ATP8B2: variants seen among roughly 807,000 people sequenced by gnomAD.
ATP8B2 encodes the protein phospholipid-transporting ATPase ID.
Under a neutral mutation model 133.4 loss-of-function variants are expected in ATP8B2, and 70 were observed. The observed-to-expected ratio is 0.52, with a 90% CI of 0.43 to 0.64. The LOEUF (loss-of-function observed/expected upper bound fraction) is 0.64, where lower values mean the gene tolerates loss of function less well. ATP8B2 is among the 30% of genes least tolerant of loss of function. The pLI is 0.00. For synonymous variants in ATP8B2, 517 were observed against 589.5 expected (o/e 0.88, Z 1.78); for missense variants, 1,101 against 1,535.7 (o/e 0.72, Z 4.73).
At chr1:154,342,382 C>T in intron 13 of ATP8B2, 98 bp from the exon 14 acceptor site, 1 of 1,215,200 alleles carries the variant, frequency 8.2e-7, no homozygotes, top group Non-Finnish European at 1.2e-6. Flanking sequence ...GGTTGAGGGG[C>T]TCAGTGCCTA....
intron 13 of ATP8B2, chr1:154,341,391 G>C (rs1686380251): frequency 2.6e-6 from 1 of 383,628 alleles, no homozygotes; most frequent in African/African-American, 2.1e-5. Context: ...GACTCAGGAG[G>C]CTGAGATGGG....
rs370361449 is a variant in ATP8B2, at chr1:154,342,846, C to G, written c.1338C>G (p.Phe446Leu). 1 of 1,614,188 alleles carries G rather than the reference C, an allele frequency of 6.2e-7. No homozygotes were observed. Among genetic ancestry groups the G allele is most frequent in the East Asian group, 2.2e-5 (1 of 44,880 alleles). The change falls in exon 15 of 28, where the codon TTC becomes TTG. Residue 446 changes from phenylalanine to leucine, a missense_variant. Transcript: ENST00000368489. ...FSFNPLADKK[F>L]LFWDPSLLEA... is the part of the protein sequence containing the mutation. ...TCAATCCTCTGGCTGACAAGAAGTT[C>G]TTATTTTGGGACCCCAGCCTGCTGG...
In ATP8B2 at chr1:154,334,263, C is replaced by T; in HGVS notation, c.746C>T (p.Ala249Val). Reference protein sequence around the residue: ...TEWCFGLVIFAGPDTKLMQNS... With the variant: ...TEWCFGLVIFVGPDTKLMQNS... Reference sequence around the variant, plus strand: ...TGGTGCTTCGGGCTGGTCATCTTTGCAGGTGAGCCTCCTAGCATCCAAAGA... The same window carrying T: ...TGGTGCTTCGGGCTGGTCATCTTTGTAGGTGAGCCTCCTAGCATCCAAAGA... The change falls in exon 10 of 28, where the codon GCA becomes GTA. Residue 249 changes from alanine (A) to valine (V), a missense_variant and splice_region_variant. Transcript: ENST00000368489. The surrounding 1 kb of genome is among the most constrained non-coding windows in gnomAD (Gnocchi z 4.6). 1.2e-6 allele frequency: 2 copies of T among 1,613,822 alleles called. No homozygotes were observed. The highest frequency in any genetic ancestry group is 1.7e-6 in the Non-Finnish European group (2 of 1,179,762).
At chr1:154,339,641 G>T (rs1482971811) in intron 12 of ATP8B2, among the ~76,000 whole-genome samples, 1 of 152,174 alleles carries the variant, frequency 6.6e-6, no homozygotes, top group Admixed American at 6.5e-5. Context: ...AGGTCACAGT[G>T]TGTATGTTTC....
At position 154,343,393 on chromosome 1, in the gene ATP8B2, G is replaced by T; in HGVS notation, c.1643-60G>T. The T allele has an allele frequency of 6.2e-7, 1 of 1,605,646 alleles. No individual in the cohort carries two copies. The highest frequency in any genetic ancestry group is 8.5e-7 in the Non-Finnish European group (1 of 1,173,730). On this transcript the variant is annotated intron_variant, in intron 16 of 27. Transcript: ENST00000368489. The surrounding 1 kb of genome is among the most constrained non-coding windows in gnomAD (Gnocchi z 5.8). ...GCCGGGTGACTCTTGATGTGTTTAT[G>T]TTGGGGGTCTTTGCCTGTCTGAATT...
rs756267380 is a variant in ATP8B2 at position 154,343,476 on chromosome 1, C to T, written c.1666C>T (p.Arg556Ter). 1.2e-6 allele frequency: 2 copies of T among 1,614,036 alleles called. No individual in the cohort carries two copies. Among genetic ancestry groups the T allele is most frequent in the East Asian group, 2.2e-5 (1 of 44,872 alleles). ...VIVRNPEGKI[R>*]LYCKGADTIL... Reference sequence around the variant, plus strand: ...AGTGCGGAATCCAGAGGGGAAGATCCGACTCTACTGCAAAGGGGCTGACAC... The same window carrying T: ...AGTGCGGAATCCAGAGGGGAAGATCTGACTCTACTGCAAAGGGGCTGACAC... Residue 556 changes from arginine to a stop codon, truncating the protein, a stop_gained, in exon 17 of 28, where the codon CGA becomes TGA. Transcript: ENST00000368489. LOFTEE classifies it high-confidence loss of function. The surrounding 1 kb of genome is among the most constrained non-coding windows in gnomAD (Gnocchi z 5.8).
At position 154,346,886 on chromosome 1, in the gene ATP8B2, T is replaced by G; in HGVS notation, c.3163+128T>G. 8.7e-7 allele frequency: 1 copy of G among 1,150,728 alleles called. No individual in the cohort carries two copies. Among genetic ancestry groups the G allele is most frequent in the Non-Finnish European group, 1.2e-6 (1 of 856,208 alleles). 71.3% of individuals were successfully genotyped at this position (1,150,728 alleles called of 1,614,324 possible). ...GTATTCTGTTTATTTTATTTATTTA[T>G]TTATTTATTTTCGAGAAGGAGTCTT... On this transcript the variant is annotated intron_variant, in intron 26 of 27. Transcript: ENST00000368489. The surrounding 1 kb of genome is among the most constrained non-coding windows in gnomAD (Gnocchi z 4.5).
rs141562171 is a variant in ATP8B2 at position 154,349,065 on chromosome 1, A to G, written c.3520A>G (p.Ser1174Gly). 4.3e-6 allele frequency: 7 copies of G among 1,614,236 alleles called. No homozygotes were observed. The highest frequency in any genetic ancestry group is 5.9e-6 in the Non-Finnish European group (7 of 1,180,040). The change falls in exon 28 of 28, where the codon AGT (serine) becomes GGT (glycine). Residue 1174 changes from serine (S) to glycine (G), a missense_variant. Transcript: ENST00000368489. Reference protein sequence around the residue: ...SWIESLRRKKSDSASSPSGGA... With the variant: ...SWIESLRRKKGDSASSPSGGA... ...GATTGAGAGCCTGCGCAGGAAGAAG[A>G]GTGACAGTGCCAGTAGCCCCAGTGG...
In ATP8B2 at chr1:154,345,450, C is replaced by T. The variant is rs752493222; in HGVS notation, c.2599C>T (p.Arg867Ter). 3.1e-6 allele frequency: 5 copies of T among 1,614,036 alleles called. No homozygotes were observed. The highest frequency in any genetic ancestry group is 3.3e-5 in the Admixed American group (2 of 59,986). ...GGTGCATGGGCGCTGGTCCTACCTG[C>T]GAATGTGCAAGTTTCTTTGCTATTT... is the stretch of plus-strand genomic sequence containing the variant. Reference protein sequence around the residue: ...LLVHGRWSYLRMCKFLCYFFY... With the variant: ...LLVHGRWSYL The change falls in exon 23 of 28, where the codon CGA becomes TGA. Residue 867 changes from arginine (R) to a stop codon, truncating the protein, a stop_gained. Coordinates refer to ENST00000368489, the MANE Select transcript of ATP8B2 (RefSeq NM_001370597.1). LOFTEE classifies it high-confidence loss of function. The surrounding 1 kb of genome is among the most constrained non-coding windows in gnomAD (Gnocchi z 5.6).
chr1:154,346,832 C>T lies in ATP8B2; in HGVS notation c.3163+74C>T. On this transcript the variant is annotated intron_variant, in intron 26 of 27. Transcript: ENST00000368489. This position sits in a 1 kb window ranked among gnomAD's most constrained non-coding sequence, Gnocchi z 4.5. ...GGGACTAACAGGACCATCAGCTAAT[C>T]TGCACATTCAACATTTCTTATGTGC... is the stretch of plus-strand genomic sequence containing the variant. The T allele has an allele frequency of 1.3e-6, 2 of 1,494,064 alleles. No homozygotes were observed. Among genetic ancestry groups the T allele is most frequent in the Admixed American group, 4.0e-5 (2 of 50,232 alleles). The allele number at this position is 1,494,064 out of a possible 1,614,324, so 92.6% of individuals were successfully genotyped here. A position where few individuals can be genotyped will look rare whatever the true frequency, so the allele number is the denominator to read the frequency against.
chr1:154,325,868 C>G (rs1685770252), intron 1 of ATP8B2, among the ~76,000 whole-genome samples, 166 bp downstream of exon 1: 2 of 151,944 alleles, frequency 1.3e-5, no homozygotes, highest in South Asian at 4.1e-4. Flanking sequence ...GCGGGGATGG[C>G]GGCCGACTGG....
rs2149175427 is a variant in ATP8B2, at chr1:154,346,010, G to A, written c.2778+127G>A. On this transcript the variant is annotated intron_variant, in intron 24 of 27. Coordinates refer to ENST00000368489, the MANE Select transcript of ATP8B2 (RefSeq NM_001370597.1). This position sits in a 1 kb window ranked among gnomAD's most constrained non-coding sequence, Gnocchi z 4.5. ...ACTGGGAAGGCAGTTCTTTCAGCCGGGGAAGGTGTGGCTGGTTCTCCCTCC... is the reference window on the plus strand; with the variant it reads ...ACTGGGAAGGCAGTTCTTTCAGCCGAGGAAGGTGTGGCTGGTTCTCCCTCC... 9.0e-7 allele frequency: 1 copy of A among 1,111,186 alleles called. No homozygotes were observed. Among genetic ancestry groups the A allele is most frequent in the Non-Finnish European group, 1.3e-6 (1 of 754,286 alleles). 68.8% of individuals were successfully genotyped at this position (1,111,186 alleles called of 1,614,324 possible).
chr1:154,341,493 C>T (rs531703495), intron 13 of ATP8B2: 16 of 253,972 alleles, frequency 6.3e-5, no homozygotes, highest in East Asian at 3.1e-4. Context: ...CCCTGTCTCT[C>T]GAGAAAAATC....
At chr1:154,336,015 C>G (rs371471895) in intron 11 of ATP8B2, among the ~76,000 whole-genome samples, 1 of 145,844 alleles carries the variant, frequency 6.9e-6, no homozygotes, top group Non-Finnish European at 1.5e-5. Context: ...GCACTCCAGC[C>G]TGGGCGACAG....
In ATP8B2 at chr1:154,332,712, A is replaced by G; in HGVS notation, c.589+15A>G. ...CAAGTTTGACGGTGAGTAATTTTGG[A>G]GGAGCAGCCTGAAGGTAGAGGAGTG... On this transcript the variant is annotated intron_variant, in intron 9 of 27. Transcript: ENST00000368489. 6.4e-7 allele frequency: 1 copy of G among 1,554,034 alleles called. No homozygotes were observed. The highest frequency in any genetic ancestry group is 8.7e-7 in the Non-Finnish European group (1 of 1,143,900).
At position 154,348,442 on chromosome 1, in the gene ATP8B2, G is replaced by T. The variant is rs778472221; in HGVS notation, c.3198G>T (p.Val1066=). 1.2e-6 allele frequency: 2 copies of T among 1,613,308 alleles called. No homozygotes were observed. The highest frequency in any genetic ancestry group is 2.2e-5 in the South Asian group (2 of 91,058). ...NAQNTLAQPT[V]WLTIVLTTVV... ...AGAACACCTTGGCCCAGCCCACGGT[G>T]TGGCTGACCATTGTGCTCACCACAG... Residue 1066 remains valine (V), a synonymous_variant, in exon 27 of 28, where the codon GTG becomes GTT. Coordinates refer to ENST00000368489, the MANE Select transcript of ATP8B2 (RefSeq NM_001370597.1).
In ATP8B2 at chr1:154,331,018, C is replaced by G. The variant is rs1273343875; in HGVS notation, c.205-30C>G. 6.2e-7 allele frequency: 1 copy of G among 1,606,780 alleles called. No individual in the cohort carries two copies. Among genetic ancestry groups the G allele is most frequent in the Non-Finnish European group, 8.5e-7 (1 of 1,173,454 alleles). On this transcript the variant is annotated intron_variant, in intron 4 of 27. Transcript: ENST00000368489. This position sits in a 1 kb window ranked among gnomAD's most constrained non-coding sequence, Gnocchi z 4.8. The stretch of plus-strand genomic sequence containing the variant: ...GGAATGAAGGCATCAGATGGGGCCT[C>G]AGAGGCATACTTCTCTTTCTTTTTT...
chr1:154,329,809 C>T (rs142498320), intron 2 of ATP8B2, among the ~76,000 whole-genome samples: 42 of 152,194 alleles, frequency 2.8e-4, no homozygotes, highest in African/African-American at 9.4e-4. Flanking sequence ...GATGTCATTT[C>T]GGGCCAGTCA....
rs1337833041 is a variant in ATP8B2, at chr1:154,340,054, C to G, written c.1035-800C>G. On this transcript the variant is annotated intron_variant, in intron 12 of 27. Transcript: ENST00000368489. This position sits in a 1 kb window ranked among gnomAD's most constrained non-coding sequence, Gnocchi z 4.0. Reference sequence around the variant, plus strand: ...AATTAGCCAGGTGTGGTGGTGTGCACCTGTAGTCCCAGCTACTAGGGAGGC... The same window carrying G: ...AATTAGCCAGGTGTGGTGGTGTGCAGCTGTAGTCCCAGCTACTAGGGAGGC... 6.6e-6 allele frequency among the ~76,000 whole-genome samples: 1 copy of G among 152,068 alleles called. No individual in the cohort carries two copies. The highest frequency in any genetic ancestry group is 2.4e-5 in the African/African-American group (1 of 41,394).
Sources: gnomAD v4.1 joint callset for allele counts (sites outside exome capture counted in the v4.1 genomes callset) on GRCh38, gnomAD v4.1.1 for gene constraint, Gnocchi (gnomAD v3.1) non-coding constraint, MANE v1.5 for transcripts, NCBI Gene and HGNC (gene_info 2026-07-23, HGNC 2026-07-21) for gene names.